The following KIF16B variants were observed in gnomAD, a reference collection of about 807,000 sequenced individuals.
KIF16B encodes the protein kinesin-like protein KIF16B.
Under a neutral mutation model 156.3 loss-of-function variants are expected in KIF16B, and 98 were observed. The ratio of observed to expected loss-of-function variants is 0.63; its 90% CI spans 0.53 to 0.74. The LOEUF is 0.74. Among genes scored for constraint, KIF16B ranks in the 30% least tolerant of loss-of-function variants. The probability of loss-of-function intolerance (pLI) is 0.00; values close to 1 mark genes in which losing one functional copy is unlikely to be tolerated. For missense variants in KIF16B, 1,421 were observed against 1,606.5 expected (o/e 0.88, Z 1.97); for synonymous variants, 564 against 583.7 (o/e 0.97, Z 0.49).
intron 25 of KIF16B, among the ~76,000 whole-genome samples, chr20:16,308,405 T>C (rs951515477): frequency 1.3e-5 from 2 of 152,220 alleles, no homozygotes; most frequent in Admixed American, 6.5e-5. Flanking sequence ...GTTAACACTG[T>C]AGTGATAACA....
chr20:16,334,863 C>T (rs1358102952), intron 24 of KIF16B, among the ~76,000 whole-genome samples: 3 of 152,142 alleles, frequency 2.0e-5, no homozygotes, highest in African/African-American at 7.2e-5. Flanking sequence ...TCAAATAAAC[C>T]TCTTTTCTTC....
intron 3 of KIF16B, among the ~76,000 whole-genome samples, chr20:16,516,669 A>G (rs1489090079): frequency 6.6e-6 from 1 of 152,176 alleles, no homozygotes; most frequent in Non-Finnish European, 1.5e-5. Flanking sequence ...GAGTGACACC[A>G]CATCAGCCAA....
intron 15 of KIF16B, among the ~76,000 whole-genome samples, chr20:16,408,291 C>G (rs1016263082): frequency 7.2e-5 from 11 of 152,044 alleles, no homozygotes; most frequent in African/African-American, 2.7e-4. Context: ...TTTAGGAGCC[C>G]TAGTGGGGCA....
At chr20:16,404,533 T>A (rs2065733091) in intron 17 of KIF16B, among the ~76,000 whole-genome samples, 1 of 152,196 alleles carries the variant, frequency 6.6e-6, no homozygotes. Context: ...TAGACAGTTA[T>A]GAAAATGATA....
chr20:16,568,640 C>T (rs75779782), intron 1 of KIF16B, among the ~76,000 whole-genome samples: 4,752 of 151,542 alleles, frequency 0.031, 250 homozygotes, highest in African/African-American at 0.11. Context: ...ACAGGGAGAC[C>T]CCGTCTCTAC....
At position 16,506,081 on chromosome 20, in the gene KIF16B, T is replaced by A; in HGVS notation, c.809A>T (p.Lys270Met). ...DATGATGVRL[K>M]EGGNINKSLV... ...GGACTTGTTAATATTTCCCCCTTCC[T>A]TTAGCCTAACCCCGGTGGCTCCGGT... The change falls in exon 8 of 26, where the codon AAG (lysine) becomes ATG (methionine). Residue 270 changes from lysine to methionine, a missense_variant. By Grantham distance (95) the Lys-to-Met change is moderately conservative. Coordinates refer to ENST00000354981, the MANE Select transcript of KIF16B (RefSeq NM_024704.5). 1 of 1,614,126 alleles carries A rather than the reference T, an allele frequency of 6.2e-7. No individual in the cohort carries two copies. Among genetic ancestry groups the A allele is most frequent in the Non-Finnish European group, 8.5e-7 (1 of 1,179,984 alleles).
chr20:16,351,596 C>G (rs1239655183), intron 23 of KIF16B, among the ~76,000 whole-genome samples: 2 of 152,226 alleles, frequency 1.3e-5, no homozygotes, highest in Non-Finnish European at 2.9e-5. Context: ...CAATTTTCAG[C>G]CTAGAACGTG....
At chr20:16,490,661 T>C (rs978886036) in intron 12 of KIF16B, among the ~76,000 whole-genome samples, 2 of 152,138 alleles carry the variant, frequency 1.3e-5, no homozygotes, top group Non-Finnish European at 2.9e-5. Flanking sequence ...GAGGACCATC[T>C]GCAAGCCAAG....
At chr20:16,366,843 A>G (rs1191857058) in intron 22 of KIF16B, 2 of 1,086,230 alleles carry the variant, frequency 1.8e-6, no homozygotes, top group Non-Finnish European at 2.2e-6. Context: ...CACGAAAACA[A>G]ACAATCAGAA....
chr20:16,560,280 T>C (rs1043066669), intron 1 of KIF16B, among the ~76,000 whole-genome samples: 3 of 152,106 alleles, frequency 2.0e-5, no homozygotes, highest in Non-Finnish European at 2.9e-5. Flanking sequence ...CTAGTCTCCA[T>C]CACCTAGAAT....
Position 16,573,314 on chromosome 20 carries a change from C to T in KIF16B, c.-39G>A. The T allele has an allele frequency of 1.2e-6, 2 of 1,606,482 alleles. No homozygotes were observed. The highest frequency in any genetic ancestry group is 1.7e-6 in the Non-Finnish European group (2 of 1,177,086). ...CCAGCCCGCGCGGGGTCCCACTAGC[C>T]CAGAACTCCGCGGTCGCCGGCGACG... On this transcript the variant is annotated 5_prime_UTR_variant, in exon 1 of 26. Coordinates refer to ENST00000354981, the MANE Select transcript of KIF16B (RefSeq NM_024704.5).
At chr20:16,318,483 C>T (rs953084344) in intron 24 of KIF16B, among the ~76,000 whole-genome samples, 3 of 152,112 alleles carry the variant, frequency 2.0e-5, no homozygotes, top group African/African-American at 2.4e-5. Flanking sequence ...GGAATACACA[C>T]GACAAGCCTG....
At chr20:16,430,084 C>A in intron 12 of KIF16B, 102 bp from the exon 13 acceptor site, 1 of 1,245,866 alleles carries the variant, frequency 8.0e-7, no homozygotes, top group South Asian at 1.6e-5. Context: ...TTTTATTTCT[C>A]ATCTAAAAAA....
At chr20:16,401,393 T>C (rs953736737) in intron 17 of KIF16B, among the ~76,000 whole-genome samples, 4 of 152,200 alleles carry the variant, frequency 2.6e-5, no homozygotes, top group African/African-American at 9.6e-5. Flanking sequence ...CAGTATCCCC[T>C]GGGATTAGGC....
At chr20:16,287,855 G>C (rs956949766) in intron 25 of KIF16B, among the ~76,000 whole-genome samples, 5 of 152,168 alleles carry the variant, frequency 3.3e-5, no homozygotes, top group African/African-American at 1.2e-4. Context: ...GAAGAATTGA[G>C]TTTATCTTGC....
rs115769330 is a variant in KIF16B at position 16,568,652 on chromosome 20, A to G, written c.47+4577T>C. Among the ~76,000 whole-genome samples, 593 of 151,992 alleles carry G rather than the reference A, an allele frequency of 3.9e-3. 7 individuals are homozygous for G. Among genetic ancestry groups the G allele is most frequent in the African/African-American group, 0.014 (562 of 41,452 alleles). On this transcript the variant is annotated intron_variant, in intron 1 of 25. Transcript: ENST00000354981. ...GACACAGGGAGACCCCGTCTCTACA[A>G]ATAATTTTAAAAATTAGCCAAGTGT... is the stretch of plus-strand genomic sequence containing the variant.
intron 7 of KIF16B, 138 bp from the exon 8 acceptor site, chr20:16,506,328 C>T (rs1568616806): frequency 2.9e-6 from 2 of 683,664 alleles, no homozygotes; most frequent in Admixed American, 2.7e-5. Flanking sequence ...TTTTACTGGC[C>T]TTCCTACTGA....
At chr20:16,406,539 G>T in intron 15 of KIF16B, 83 bp from the exon 16 acceptor site, 1 of 1,140,214 alleles carries the variant, frequency 8.8e-7, no homozygotes, top group Non-Finnish European at 1.3e-6. Context: ...TTCTACTGTT[G>T]AAATGTAATT....
At chr20:16,312,531 A>G in intron 24 of KIF16B, 113 bp from the exon 25 acceptor site, 1 of 812,836 alleles carries the variant, frequency 1.2e-6, no homozygotes, top group Non-Finnish European at 2.0e-6. Context: ...AGAGGCTGAA[A>G]GTTTAAAGAT....
Sources: gnomAD v4.1 joint callset for allele counts (sites outside exome capture counted in the v4.1 genomes callset) on GRCh38, gnomAD v4.1.1 for gene constraint, MANE v1.5 for transcripts, NCBI Gene and HGNC (gene_info 2026-07-23, HGNC 2026-07-21) for gene names.